The following CSRP2 variants were observed in gnomAD, a reference collection of about 807,000 sequenced individuals.
The protein encoded by CSRP2 is cysteine and glycine-rich protein 2.
A neutral mutation model predicts 24.6 loss-of-function variants in CSRP2; 18 were observed. The observed-to-expected ratio is 0.73, with a 90% CI of 0.51 to 1.09. The LOEUF is 1.09. CSRP2 is among the 50% of genes least tolerant of loss of function. CSRP2 has a pLI of 0.00. For missense variants in CSRP2, 215 were observed against 239.4 expected (o/e 0.90, Z 0.67); for synonymous variants, 87 against 84.3 (o/e 1.03, Z -0.18).
intron 4 of CSRP2, 93 bp from the exon 5 acceptor site, chr12:76,859,733 T>C (rs117761491): frequency 0.015 from 12,886 of 886,844 alleles, 132 homozygotes; most frequent in Non-Finnish European, 0.019. Flanking sequence ...GATGATCATC[T>C]CAAAGCAAGC....
At chr12:76,877,433 A>G (rs147942944) in intron 1 of CSRP2, among the ~76,000 whole-genome samples, 1 of 152,370 alleles carries the variant, frequency 6.6e-6, no homozygotes, top group Admixed American at 6.5e-5. Flanking sequence ...TTTAGATCAA[A>G]TCTGCAAACA....
At chr12:76,878,129 G>C (rs1375044049) in intron 1 of CSRP2, 1 of 150,270 alleles carries the variant, frequency 6.7e-6, no homozygotes, top group African/African-American at 2.5e-5. Flanking sequence ...GGGATCCGCC[G>C]GTTTAGAAAG....
intron 1 of CSRP2, among the ~76,000 whole-genome samples, chr12:76,870,967 C>A (rs1405504210): frequency 4.2e-5 from 5 of 118,496 alleles, no homozygotes; most frequent in East Asian, 4.6e-4. Context: ...AGCAAGATGA[C>A]CCTGTCTCAA....
chr12:76,859,303 T>TA lies in CSRP2; in HGVS notation c.505+243dup, dbSNP rs1276867854. On this transcript the variant is annotated intron_variant, in intron 5 of 5. Transcript: ENST00000311083. The stretch of plus-strand genomic sequence containing the variant: ...ATTTGTCTGTTTTCTTCCATATACT[T>TA]ACGCTTTGCTCAAGACATGAAGGCA... Among the ~76,000 whole-genome samples, 32 of 152,346 alleles carry TA rather than the reference T, an allele frequency of 2.1e-4. 1 individual carries two copies. Among genetic ancestry groups the TA allele is most frequent in the Admixed American group, 3.9e-4 (6 of 15,302 alleles).
In CSRP2 at chr12:76,863,322, A is replaced by G. The variant is rs1390939839; in HGVS notation, c.135T>C (p.Asp45=). 1 of 1,614,128 alleles carries G rather than the reference A, an allele frequency of 6.2e-7. No homozygotes were observed. Among genetic ancestry groups the G allele is most frequent in the Non-Finnish European group, 8.5e-7 (1 of 1,180,014 alleles). Reference sequence around the variant, plus strand: ...CATCGTGAATTGCCACTGTTGTGCTATCTAAATTTTTCCTGCAAACCACTG... The same window carrying G: ...CATCGTGAATTGCCACTGTTGTGCTGTCTAAATTTTTCCTGCAAACCACTG... The part of the protein sequence containing the change: ...FLCMVCRKNL[D]STTVAIHDEE... The change falls in exon 3 of 6, where the codon GAT becomes GAC. Residue 45 remains aspartate, a synonymous_variant. Transcript: ENST00000311083.
chr12:76,874,093 G>C (rs1052340632), intron 1 of CSRP2, among the ~76,000 whole-genome samples: 1 of 152,154 alleles, frequency 6.6e-6, no homozygotes, highest in Non-Finnish European at 1.5e-5. Flanking sequence ...AAATGACACA[G>C]AGGCATGCAA....
intron 3 of CSRP2, 64 bp from the exon 4 acceptor site, chr12:76,860,477 G>A: frequency 6.3e-7 from 1 of 1,579,604 alleles, no homozygotes; most frequent in Non-Finnish European, 8.6e-7. Context: ...AGTACACAAG[G>A]CAGGAACAAT....
intron 1 of CSRP2, among the ~76,000 whole-genome samples, chr12:76,871,814 C>T (rs985888808): frequency 6.6e-6 from 1 of 151,194 alleles, no homozygotes; most frequent in Non-Finnish European, 1.5e-5. Flanking sequence ...CACTTTTAGG[C>T]TGAACCTCTA....
intron 1 of CSRP2, among the ~76,000 whole-genome samples, chr12:76,873,718 T>C (rs1953825395): frequency 6.6e-6 from 1 of 152,186 alleles, no homozygotes; most frequent in African/African-American, 2.4e-5. Flanking sequence ...CAAATGATAG[T>C]ATCAATATTT....
In CSRP2 at chr12:76,863,714, GT is replaced by G. The variant is rs560227701; in HGVS notation, c.113-371del. Reference sequence around the variant, plus strand: ...ATATTAAGGGAGAAAAGTTTCAAAGGTGGCTATAAAAATGCTTAAACAAAAG... The same window carrying G: ...ATATTAAGGGAGAAAAGTTTCAAAGGGGCTATAAAAATGCTTAAACAAAAG... On this transcript the variant is annotated intron_variant, in intron 2 of 5. Coordinates refer to ENST00000311083, the MANE Select transcript of CSRP2 (RefSeq NM_001321.3). The G allele has an allele frequency of 3.4e-3, 571 of 169,584 alleles. 6 individuals carry two copies. Among genetic ancestry groups the G allele is most frequent in the African/African-American group, 0.012 (516 of 42,108 alleles). The allele number at this position is 169,584 out of a possible 1,614,324, so 10.5% of individuals were successfully genotyped here.
At chr12:76,866,774 G>T (rs1387505513) in intron 1 of CSRP2, among the ~76,000 whole-genome samples, 1 of 152,230 alleles carries the variant, frequency 6.6e-6, no homozygotes, top group Admixed American at 6.5e-5. Context: ...GGAACAAAGT[G>T]TGTTGCCCTG....
intron 1 of CSRP2, among the ~76,000 whole-genome samples, chr12:76,866,561 C>T (rs761255118): frequency 6.6e-6 from 1 of 152,006 alleles, no homozygotes; most frequent in African/African-American, 2.4e-5. Flanking sequence ...CATTAGAATC[C>T]ACAGGAGTTA....
chr12:76,877,003 T>A (rs1953859202), intron 1 of CSRP2, among the ~76,000 whole-genome samples: 1 of 152,240 alleles, frequency 6.6e-6, no homozygotes, highest in African/African-American at 2.4e-5. Context: ...CCCAAGGGCA[T>A]CAAACCAATG....
intron 1 of CSRP2, among the ~76,000 whole-genome samples, chr12:76,877,055 G>C (rs561004783): frequency 6.6e-6 from 1 of 152,232 alleles, no homozygotes; most frequent in African/African-American, 2.4e-5. Flanking sequence ...GCCTGGCTTC[G>C]TTCCTCCCCC....
chr12:76,867,781 C>T (rs1368833914), intron 1 of CSRP2, among the ~76,000 whole-genome samples: 1 of 152,138 alleles, frequency 6.6e-6, no homozygotes, highest in East Asian at 1.9e-4. Flanking sequence ...CTAACCCAAA[C>T]CTGGCTAGAA....
chr12:76,864,324 G>A (rs1316744491), intron 2 of CSRP2: 1 of 152,182 alleles, frequency 6.6e-6, no homozygotes, highest in Non-Finnish European at 1.5e-5. Flanking sequence ...ATGGTTACCA[G>A]AAGCTCGGAA....
intron 1 of CSRP2, among the ~76,000 whole-genome samples, chr12:76,877,811 G>A (rs1185267819): frequency 6.6e-6 from 1 of 152,124 alleles, no homozygotes; most frequent in Non-Finnish European, 1.5e-5. Context: ...CTTGAAAAAC[G>A]TGAGTCAAAG....
intron 1 of CSRP2, among the ~76,000 whole-genome samples, chr12:76,871,046 T>C (rs2137834000): frequency 1.3e-5 from 2 of 151,924 alleles, no homozygotes; most frequent in Middle Eastern, 6.9e-3. Context: ...CTCTACTTTG[T>C]ATGTCTGAAC....
chr12:76,863,151 G>A (rs766265406), intron 3 of CSRP2, 25 bp downstream of exon 3: 2 of 1,592,416 alleles, frequency 1.3e-6, no homozygotes, highest in East Asian at 4.5e-5. Context: ...CATTTCTGAA[G>A]GTAACCAACG....
Sources: allele counts gnomAD v4.1 joint callset (sites outside exome capture counted in the v4.1 genomes callset), GRCh38; gene constraint gnomAD v4.1.1; transcripts MANE v1.5; gene names NCBI Gene and HGNC (gene_info 2026-07-23, HGNC 2026-07-21).